PCDHGA3: variants seen among roughly 807,000 people sequenced by gnomAD.
PCDHGA3 encodes protocadherin gamma subfamily A, 3, also known as protocadherin gamma-A3.
Under a neutral mutation model 58.5 loss-of-function variants are expected in PCDHGA3, and 40 were observed. The observed-to-expected ratio is 0.68, with a 90% CI of 0.53 to 0.89. PCDHGA3 has a LOEUF of 0.89. Ranked by LOEUF, PCDHGA3 falls within the 40% of genes least tolerant of loss-of-function variation. The pLI is 0.00. For missense variants in PCDHGA3, 1,223 were observed against 1,195.9 expected (o/e 1.02, Z -0.33); for synonymous variants, 530 against 525.7 (o/e 1.01, Z -0.11).
At chr5:141,506,351 A>G (rs1029519620) in intron 3 of PCDHGA3, among the ~76,000 whole-genome samples, 2 of 150,784 alleles carry the variant, frequency 1.3e-5, no homozygotes, top group African/African-American at 4.9e-5. Context: ...TGGGAGGCTG[A>G]GGCAGGAGAA....
chr5:141,432,650 G>T lies in PCDHGA3; in HGVS notation c.2425-62157G>T. 6.2e-7 allele frequency: 1 copy of T among 1,613,868 alleles called. No individual in the cohort carries two copies. The highest frequency in any genetic ancestry group is 1.1e-5 in the South Asian group (1 of 91,064). On this transcript the variant is annotated intron_variant, in intron 1 of 3. Transcript: ENST00000253812. The surrounding 1 kb of genome is among the most constrained non-coding windows in gnomAD (Gnocchi z 6.0). The stretch of plus-strand genomic sequence containing the variant: ...CACGGGCGAGGTGCGCACGGCGCGA[G>T]CCCTGCTGGACAGAGACGCGCTCAA...
At chr5:141,364,922 C>A (rs1201913698) in intron 1 of PCDHGA3, 1 of 1,613,948 alleles carries the variant, frequency 6.2e-7, no homozygotes, top group East Asian at 2.2e-5. Flanking sequence ...GGTGTTGGAA[C>A]AGCCCCTAGA....
At chr5:141,383,526 C>T in intron 1 of PCDHGA3, 1 of 1,612,534 alleles carries the variant, frequency 6.2e-7, no homozygotes, top group Non-Finnish European at 8.5e-7. Flanking sequence ...GGGTTCACCA[C>T]CTGGTCCTCA....
Position 141,489,968 on chromosome 5 carries a change from A to G in PCDHGA3, c.2425-4839A>G. 6.2e-7 allele frequency: 1 copy of G among 1,614,146 alleles called. No homozygotes were observed. The highest frequency in any genetic ancestry group is 2.2e-5 in the East Asian group (1 of 44,880). On this transcript the variant is annotated intron_variant, in intron 1 of 3. Coordinates refer to ENST00000253812, the MANE Select transcript of PCDHGA3 (RefSeq NM_018916.4). This position sits in a 1 kb window ranked among gnomAD's most constrained non-coding sequence, Gnocchi z 4.5. Reference sequence around the variant, plus strand: ...ATCAATGATAATGCTCCAACCTTCCAATCCTCAGTTCTACGTGTGGGAATC... The same window carrying G: ...ATCAATGATAATGCTCCAACCTTCCGATCCTCAGTTCTACGTGTGGGAATC...
intron 1 of PCDHGA3, chr5:141,419,140 G>A (rs1359933027): frequency 1.2e-6 from 2 of 1,613,750 alleles, no homozygotes; most frequent in East Asian, 2.2e-5. Flanking sequence ...CCACAGACAG[G>A]GGCAAGCCTC....
At chr5:141,357,432 C>G in intron 1 of PCDHGA3, 1 of 1,614,212 alleles carries the variant, frequency 6.2e-7, no homozygotes, top group Non-Finnish European at 8.5e-7. Context: ...TGGGCGTGGA[C>G]GGGGTTCGGG....
chr5:141,498,273 A>G (rs1595516143), intron 2 of PCDHGA3, among the ~76,000 whole-genome samples: 1 of 152,038 alleles, frequency 6.6e-6, no homozygotes, highest in East Asian at 1.9e-4. Flanking sequence ...TCTTCAGTAA[A>G]CTTGGTTCAA....
chr5:141,418,105 G>A lies in PCDHGA3; in HGVS notation c.2424+71648G>A, dbSNP rs971913143. On this transcript the variant is annotated intron_variant, in intron 1 of 3. Transcript: ENST00000253812. ...ACTTCAGCGTAGACGCGCAGAGCGG[G>A]GACTTACTTGTGAAGGACCGAATAG... 5 of 1,614,062 alleles carry A rather than the reference G, an allele frequency of 3.1e-6. No homozygotes were observed. The East Asian group carries it at 8.9e-5, about 29-fold the overall frequency.
Position 141,432,075 on chromosome 5 carries a change from C to T in PCDHGA3, c.2425-62732C>T. On this transcript the variant is annotated intron_variant, in intron 1 of 3. Transcript: ENST00000253812. The surrounding 1 kb of genome is among the most constrained non-coding windows in gnomAD (Gnocchi z 6.0). ...CCCCTATCCACGGAAACTCATATCT[C>T]GCTGAACGTGGCAGACACCAACGAC... 3 of 1,614,204 alleles carry T rather than the reference C, an allele frequency of 1.9e-6. No homozygotes were observed. Among genetic ancestry groups the T allele is most frequent in the Non-Finnish European group, 2.5e-6 (3 of 1,180,046 alleles).
At chr5:141,469,804 T>C (rs1433459377) in intron 1 of PCDHGA3, among the ~76,000 whole-genome samples, 1 of 152,060 alleles carries the variant, frequency 6.6e-6, no homozygotes, top group Non-Finnish European at 1.5e-5. Context: ...TGCAAAAACA[T>C]TGTAGATAGA....
At chr5:141,414,762 T>G in intron 1 of PCDHGA3, 1 of 1,614,210 alleles carries the variant, frequency 6.2e-7, no homozygotes. Context: ...ATGAGCAGTT[T>G]CATGAGCTAC....
At chr5:141,398,565 A>G (rs2150749377) in intron 1 of PCDHGA3, 2 of 1,614,040 alleles carry the variant, frequency 1.2e-6, no homozygotes, top group South Asian at 1.1e-5. Context: ...GTGAGTCTGC[A>G]CAGCCTGGCA....
In PCDHGA3 at chr5:141,352,730, C is replaced by G. The variant is rs925966366; in HGVS notation, c.2424+6273C>G. 7.9e-6 allele frequency: 12 copies of G among 1,518,298 alleles called. No homozygotes were observed. The Admixed American group carries it at 1.2e-4, about 15-fold the overall frequency. 94.1% of individuals were successfully genotyped at this position (1,518,298 alleles called of 1,614,324 possible). A position where few individuals can be genotyped will look rare whatever the true frequency, so the allele number is the denominator to read the frequency against. Reference sequence around the variant, plus strand: ...GGCGGCCGGGCGCGGTGGCTCAAGCCTGTAATCCCAGCACTTAACCAGGCT... The same window carrying G: ...GGCGGCCGGGCGCGGTGGCTCAAGCGTGTAATCCCAGCACTTAACCAGGCT... On this transcript the variant is annotated intron_variant, in intron 1 of 3. Coordinates refer to ENST00000253812, the MANE Select transcript of PCDHGA3 (RefSeq NM_018916.4).
chr5:141,394,521 G>C, intron 1 of PCDHGA3: 1 of 1,614,212 alleles, frequency 6.2e-7, no homozygotes, highest in Non-Finnish European at 8.5e-7. Context: ...CCTCCCCACA[G>C]ACGGTTCCAC....
At chr5:141,410,312 C>T (rs754522489) in intron 1 of PCDHGA3, 9 of 1,614,036 alleles carry the variant, frequency 5.6e-6, no homozygotes, top group South Asian at 3.3e-5. Context: ...AGTGCTCTTC[C>T]TCCTCGCCGT....
intron 1 of PCDHGA3, chr5:141,403,564 G>A (rs2094422320): frequency 2.5e-6 from 4 of 1,613,834 alleles, no homozygotes; most frequent in Non-Finnish European, 2.5e-6. Context: ...ACAGGGAGGA[G>A]GCAACTGCCC....
chr5:141,386,620 C>T (rs73279071), intron 1 of PCDHGA3, among the ~76,000 whole-genome samples: 2 of 151,558 alleles, frequency 1.3e-5, no homozygotes, highest in Non-Finnish European at 2.9e-5. Context: ...CATGGAGTCT[C>T]GCTCTGTCAC....
In PCDHGA3 at chr5:141,343,848, A is replaced by C. The variant is rs929007966; in HGVS notation, c.-186A>C. Reference sequence around the variant, plus strand: ...TAGTCCACCATTTCCTTGCTCCTAAAATGCAAAGAACCAGCAAATCAGACT... The same window carrying C: ...TAGTCCACCATTTCCTTGCTCCTAACATGCAAAGAACCAGCAAATCAGACT... On this transcript the variant is annotated 5_prime_UTR_variant, in exon 1 of 4. Transcript: ENST00000253812. The C allele has an allele frequency of 7.6e-6, 4 of 525,844 alleles. No homozygotes were observed. Among genetic ancestry groups the C allele is most frequent in the Non-Finnish European group, 9.9e-6 (3 of 303,886 alleles). The allele number at this position is 525,844 out of a possible 1,614,324, so 32.6% of individuals were successfully genotyped here. A position where few individuals can be genotyped will look rare whatever the true frequency, so the allele number is the denominator to read the frequency against.
chr5:141,459,909 G>A (rs7446907), intron 1 of PCDHGA3, among the ~76,000 whole-genome samples: 42,418 of 152,010 alleles, frequency 0.28, 6,645 homozygotes, highest in African/African-American at 0.43. Flanking sequence ...TGAGCTATGG[G>A]AGTTTTAAAA....
Sources: gnomAD v4.1 joint callset for allele counts (sites outside exome capture counted in the v4.1 genomes callset) on GRCh38, gnomAD v4.1.1 for gene constraint, Gnocchi (gnomAD v3.1) non-coding constraint, MANE v1.5 for transcripts, NCBI Gene and HGNC (gene_info 2026-07-23, HGNC 2026-07-21) for gene names.